Variants in CD1B observed in about 807,000 individuals in gnomAD.
CD1B encodes the protein CD1b molecule, also known as T-cell surface glycoprotein CD1b.
Under a neutral mutation model 39.8 loss-of-function variants are expected in CD1B, and 43 were observed. The ratio of observed to expected loss-of-function variants is 1.08; its 90% CI spans 0.85 to 1.39. The LOEUF (loss-of-function observed/expected upper bound fraction) is 1.39. CD1B is among the 40% of genes most tolerant of loss of function. The pLI, the probability that CD1B is intolerant of heterozygous loss-of-function variation, is 0.00. For synonymous variants in CD1B, 192 were observed against 152.5 expected (o/e 1.26, Z -1.91); for missense variants, 495 against 403.8 (o/e 1.23, Z -1.94).
At chr1:158,318,828 T>G in the CD1B span, among the ~76,000 whole-genome samples, 1 of 152,218 alleles carries the variant, frequency 6.6e-6, no homozygotes, top group East Asian at 1.9e-4. Flanking sequence ...TGTTTAGCGC[T>G]TCCTTCAGGA....
chr1:158,328,211 A>C lies in CD1B; in HGVS notation c.*25T>G. The C allele has an allele frequency of 6.3e-7, 1 of 1,597,252 alleles. No homozygotes were observed. Among genetic ancestry groups the C allele is most frequent in the Non-Finnish European group, 8.6e-7 (1 of 1,166,806 alleles). ...TTGGGCTTCTTGGTACTTATTGCGA[A>C]TGGGAGAGGAGACATGATGATGGCT... is the stretch of plus-strand genomic sequence containing the variant. On this transcript the variant is annotated 3_prime_UTR_variant, in exon 6 of 6. Transcript: ENST00000368168.
chr1:158,316,279 C>T, the CD1B span, among the ~76,000 whole-genome samples: 1 of 152,022 alleles, frequency 6.6e-6, no homozygotes, highest in Non-Finnish European at 1.5e-5. Flanking sequence ...TTGATTCTTC[C>T]TACCCATGAG....
At chr1:158,328,397 T>C in intron 5 of CD1B, 140 bp from the exon 6 acceptor site, 1 of 597,872 alleles carries the variant, frequency 1.7e-6, no homozygotes, top group South Asian at 2.5e-5. Flanking sequence ...CAAAATGTGT[T>C]ATACGCATAT....
chr1:158,302,912 A>C, the CD1B span, among the ~76,000 whole-genome samples: 4 of 152,116 alleles, frequency 2.6e-5, no homozygotes, highest in Non-Finnish European at 4.4e-5. Context: ...AGGGGGAGTG[A>C]TTATTCCCTA....
At chr1:158,325,812 G>C (rs920296856), downstream of CD1B, among the ~76,000 whole-genome samples, 1 of 151,994 alleles carries the variant, frequency 6.6e-6, no homozygotes, top group African/African-American at 2.4e-5. Flanking sequence ...TCACACTGTT[G>C]TGCCACCTTC....
chr1:158,320,947 G>A, the CD1B span, among the ~76,000 whole-genome samples: 1 of 152,114 alleles, frequency 6.6e-6, no homozygotes, highest in African/African-American at 2.4e-5. Flanking sequence ...CCTGGAGAAT[G>A]TTCCATGTAC....
chr1:158,304,629 C>A, the CD1B span, among the ~76,000 whole-genome samples: 1 of 152,162 alleles, frequency 6.6e-6, no homozygotes, highest in Non-Finnish European at 1.5e-5. Flanking sequence ...TGAGAATGGA[C>A]AGAGTGACTC....
chr1:158,309,682 G>T, the CD1B span, among the ~76,000 whole-genome samples: 1 of 152,028 alleles, frequency 6.6e-6, no homozygotes, highest in Non-Finnish European at 1.5e-5. Context: ...TCCTTTGTAG[G>T]GACATGGATG....
chr1:158,303,127 C>T, the CD1B span, among the ~76,000 whole-genome samples: 1 of 152,130 alleles, frequency 6.6e-6, no homozygotes, highest in East Asian at 1.9e-4. Context: ...GTTGGTTCAA[C>T]ATACAGAAAT....
At chr1:158,311,046 G>A in the CD1B span, among the ~76,000 whole-genome samples, 34 of 152,204 alleles carry the variant, frequency 2.2e-4, no homozygotes, top group South Asian at 8.3e-4. Context: ...TGTAGCTGCC[G>A]AACCTAAAAT....
the CD1B span, chr1:158,289,901 G>A: frequency 1.7e-6 from 1 of 600,082 alleles, no homozygotes. Context: ...GATTGAGTAG[G>A]AGGACCAAGG....
rs1344256330 is a variant in CD1B at position 158,331,456 on chromosome 1, G to T, written c.-33C>A. ...GGAGATGCAACTTCTTACTGGCAGA[G>T]CTGGTATTTGATCTCCAATTTCAGC... On this transcript the variant is annotated 5_prime_UTR_variant, in exon 1 of 6. Transcript: ENST00000368168. 2.5e-6 allele frequency: 4 copies of T among 1,582,674 alleles called. No homozygotes were observed. Among genetic ancestry groups the T allele is most frequent in the East Asian group, 4.5e-5 (2 of 44,682 alleles).
At chr1:158,326,378 G>T (rs1334505863), downstream of CD1B, among the ~76,000 whole-genome samples, 1 of 152,090 alleles carries the variant, frequency 6.6e-6, no homozygotes, top group Non-Finnish European at 1.5e-5. Context: ...TTTACAAGAA[G>T]AATGATGAAA....
downstream of CD1B, among the ~76,000 whole-genome samples, chr1:158,326,447 G>A (rs866396976): frequency 3.3e-5 from 5 of 151,892 alleles, no homozygotes; most frequent in African/African-American, 9.7e-5. Context: ...GATTAAAAAC[G>A]GTTTATGAAA....
At chr1:158,311,315 C>T in the CD1B span, among the ~76,000 whole-genome samples, 1 of 152,124 alleles carries the variant, frequency 6.6e-6, no homozygotes. Context: ...ATTGGTCATT[C>T]GTATGTCTTC....
chr1:158,304,571 G>C, the CD1B span, among the ~76,000 whole-genome samples: 1 of 152,206 alleles, frequency 6.6e-6, no homozygotes, highest in Non-Finnish European at 1.5e-5. Flanking sequence ...GTTCCTGTCT[G>C]ACAGCTTGGA....
chr1:158,312,235 T>G, the CD1B span, among the ~76,000 whole-genome samples: 1,141 of 152,290 alleles, frequency 7.5e-3, 10 homozygotes, highest in African/African-American at 0.026. Context: ...AATTGAATCA[T>G]GGGGACAAGT....
chr1:158,308,221 C>T, the CD1B span, among the ~76,000 whole-genome samples: 5 of 152,126 alleles, frequency 3.3e-5, no homozygotes, highest in Non-Finnish European at 7.3e-5. Context: ...TGAGTGAACT[C>T]CCATTCACAA....
At chr1:158,290,100 T>C in the CD1B span, 1 of 1,613,866 alleles carries the variant, frequency 6.2e-7, no homozygotes, top group Non-Finnish European at 8.5e-7. Context: ...TAGCTCTTCT[T>C]CTCCCAGGTG....
Sources: allele counts gnomAD v4.1 joint callset (sites outside exome capture counted in the v4.1 genomes callset), GRCh38; gene constraint gnomAD v4.1.1; transcripts MANE v1.5; gene names NCBI Gene and HGNC (gene_info 2026-07-23, HGNC 2026-07-21).